Variants in TTC7B observed in about 807,000 individuals in gnomAD.
The protein encoded by TTC7B is tetratricopeptide repeat domain 7B.
In TTC7B, 28 loss-of-function variants were observed where a neutral mutation model predicts 106.8. The ratio of observed to expected loss-of-function variants is 0.26; its 90% confidence interval spans 0.19 to 0.36. TTC7B has a LOEUF of 0.36. Among genes scored for constraint, TTC7B ranks in the 10% least tolerant of loss-of-function variants. The probability of loss-of-function intolerance (pLI) is 1.00; values close to 1 mark genes in which losing one functional copy is unlikely to be tolerated. For synonymous variants in TTC7B, 405 were observed against 430.6 expected, an observed-to-expected ratio of 0.94 and a Z score of 0.74; for missense variants, 862 against 1,076.4, an observed-to-expected ratio of 0.80 and a Z score of 2.79.
chr14:90,622,059 A>AG (rs1884228528), intron 15 of TTC7B, among the ~76,000 whole-genome samples: 1 of 152,060 alleles, frequency 6.6e-6, no homozygotes, highest in Non-Finnish European at 1.5e-5. Context: ...CACGATGAAG[A>AG]GGGCAGAGGA....
chr14:90,582,181 T>C (rs1891522330), intron 18 of TTC7B, among the ~76,000 whole-genome samples: 2 of 152,248 alleles, frequency 1.3e-5, no homozygotes, highest in Admixed American at 6.5e-5. Flanking sequence ...AAAAGACTCC[T>C]GAGAGTGGGC....
intron 7 of TTC7B, among the ~76,000 whole-genome samples, chr14:90,681,190 C>T (rs1012501162): frequency 5.9e-5 from 9 of 152,056 alleles, no homozygotes; most frequent in Non-Finnish European, 1.3e-4. Flanking sequence ...TCAGCAGAAC[C>T]CCAATCTGTA....
At chr14:90,652,817 G>A in intron 13 of TTC7B, 24 bp downstream of exon 13, 2 of 1,613,566 alleles carry the variant, frequency 1.2e-6, no homozygotes, top group South Asian at 1.1e-5. Context: ...GTACAGCCGA[G>A]TGAAAAGATG....
intron 19 of TTC7B, among the ~76,000 whole-genome samples, chr14:90,565,399 C>CTTTT (rs35307541): frequency 3.1e-4 from 33 of 107,606 alleles, no homozygotes; most frequent in Non-Finnish European, 3.5e-4. Context: ...TCCTTTCTAG[C>CTTTT]TTTTTTTTTT....
chr14:90,779,784 C>T lies in TTC7B; in HGVS notation c.445+954G>A, dbSNP rs115666266. On this transcript the variant is annotated intron_variant, in intron 3 of 19. Transcript: ENST00000328459. ...CCGATCATCTGTGTGTCCTGTGCTT[C>T]CAGACTTTTTCTTCCCATGAGATTG... Among the ~76,000 whole-genome samples, 267 of 152,300 alleles carry T rather than the reference C, an allele frequency of 1.8e-3. 2 individuals are homozygous for T. Among genetic ancestry groups the T allele is most frequent in the African/African-American group, 6.3e-3 (262 of 41,572 alleles).
At chr14:90,565,295 CT>C (rs1398569818) in intron 19 of TTC7B, among the ~76,000 whole-genome samples, 1 of 151,772 alleles carries the variant, frequency 6.6e-6, no homozygotes, top group East Asian at 1.9e-4. Context: ...CCTTGAACAA[CT>C]TTTCCTTTGT....
chr14:90,736,925 C>T (rs1032799676), intron 4 of TTC7B, among the ~76,000 whole-genome samples: 2 of 141,376 alleles, frequency 1.4e-5, no homozygotes, highest in African/African-American at 5.3e-5. Flanking sequence ...AGTATATATA[C>T]GTATATACAC....
At chr14:90,731,071 A>G (rs1176435797) in intron 4 of TTC7B, among the ~76,000 whole-genome samples, 1 of 151,716 alleles carries the variant, frequency 6.6e-6, no homozygotes, top group African/African-American at 2.4e-5. Context: ...TCAGCCTCCC[A>G]AGTAGCTGGG....
At chr14:90,694,891 T>C (rs1209914523) in intron 6 of TTC7B, among the ~76,000 whole-genome samples, 1 of 124,994 alleles carries the variant, frequency 8.0e-6, no homozygotes, top group Non-Finnish European at 1.6e-5. Context: ...CATATATTTA[T>C]AACACATATA....
intron 5 of TTC7B, among the ~76,000 whole-genome samples, chr14:90,715,441 A>G (rs1888618218): frequency 6.6e-6 from 1 of 151,982 alleles, no homozygotes; most frequent in South Asian, 2.1e-4. Context: ...TGGGAGCTGG[A>G]AACCCTCTAC....
chr14:90,649,927 G>C (rs1034628745), intron 13 of TTC7B, among the ~76,000 whole-genome samples: 2 of 152,092 alleles, frequency 1.3e-5, no homozygotes, highest in African/African-American at 4.8e-5. Context: ...CCCAGAGGGA[G>C]AGACCCAGAA....
At chr14:90,555,145 T>C (rs56177768) in intron 19 of TTC7B, among the ~76,000 whole-genome samples, 44 of 152,232 alleles carry the variant, frequency 2.9e-4, no homozygotes, top group Non-Finnish European at 4.9e-4. Flanking sequence ...CTAGAGAGGG[T>C]AGCAGGCATT....
intron 3 of TTC7B, among the ~76,000 whole-genome samples, chr14:90,765,349 G>C (rs751684660): frequency 6.6e-6 from 1 of 152,074 alleles, no homozygotes; most frequent in East Asian, 1.9e-4. Flanking sequence ...ATGGGTAAAG[G>C]TTTCTTTTTT....
At chr14:90,781,145 C>T (rs1891207877) in intron 2 of TTC7B, among the ~76,000 whole-genome samples, 1 of 152,226 alleles carries the variant, frequency 6.6e-6, no homozygotes, top group South Asian at 2.1e-4. Flanking sequence ...GAATGAAGTA[C>T]TGTTATGCTA....
intron 13 of TTC7B, among the ~76,000 whole-genome samples, chr14:90,650,185 T>C (rs1032913346): frequency 2.0e-5 from 3 of 152,324 alleles, no homozygotes; most frequent in Admixed American, 6.5e-5. Context: ...AACTACAATT[T>C]GTGAAGTTAT....
chr14:90,588,657 A>T lies in TTC7B; in HGVS notation c.2107+4829T>A, dbSNP rs571015805. ...GCATAGTGAGACTGCAAAGGTGCTC[A>T]CTTCTATCCAGCCTGGGCTCCCACA... On this transcript the variant is annotated intron_variant, in intron 18 of 19. Transcript: ENST00000328459. Among the ~76,000 whole-genome samples the T allele has an allele frequency of 1.5e-4, 23 of 152,304 alleles. No individual in the cohort carries two copies. In the South Asian group the frequency reaches 4.8e-3, roughly 32 times the overall value.
At chr14:90,698,007 A>G (rs1887829467) in intron 5 of TTC7B, 1 of 152,266 alleles carries the variant, frequency 6.6e-6, no homozygotes, top group Non-Finnish European at 1.5e-5. Flanking sequence ...GCCTGAAGCT[A>G]CAACCCATTG....
Position 90,802,042 on chromosome 14 carries a change from C to G in TTC7B, c.121+14133G>C, listed in dbSNP as rs1246728261. ...TGCCATTGTACTCCAGCCTGGACAA[C>G]AAGAGCGAAAACTCCATCTCAGGAA... On this transcript the variant is annotated intron_variant, in intron 1 of 19. Coordinates refer to ENST00000328459, the MANE Select transcript of TTC7B (RefSeq NM_001010854.2). The surrounding 1 kb of genome is among the most constrained non-coding windows in gnomAD (Gnocchi z 4.7). 7.0e-6 allele frequency among the ~76,000 whole-genome samples: 1 copy of G among 141,896 alleles called. No homozygotes were observed. The highest frequency in any genetic ancestry group is 1.5e-5 in the Non-Finnish European group (1 of 65,510). 93.1% of individuals were successfully genotyped at this position (141,896 alleles called of 152,430 possible). A position where few individuals can be genotyped will look rare whatever the true frequency, so the allele number is the denominator to read the frequency against.
At chr14:90,711,027 T>G (rs1369023338) in intron 5 of TTC7B, among the ~76,000 whole-genome samples, 1 of 151,966 alleles carries the variant, frequency 6.6e-6, no homozygotes, top group African/African-American at 2.4e-5. Flanking sequence ...GAGGAAAAAA[T>G]AAAAACATTC....
Sources: allele counts gnomAD v4.1 joint callset (sites outside exome capture counted in the v4.1 genomes callset), GRCh38; gene constraint gnomAD v4.1.1; non-coding constraint Gnocchi (gnomAD v3.1); transcripts MANE v1.5; gene names NCBI Gene and HGNC (gene_info 2026-07-23, HGNC 2026-07-21).